Variants in JAZF1 observed in about 807,000 individuals in gnomAD.
JAZF1 encodes the protein juxtaposed with another zinc finger protein 1.
JAZF1 carries 8 observed loss-of-function variants against 26.4 expected under a neutral mutation model. The ratio of observed to expected loss-of-function variants is 0.30; its 90% CI spans 0.18 to 0.55. The LOEUF is 0.55. Ranked by LOEUF, JAZF1 falls within the 20% of genes least tolerant of loss-of-function variation. The pLI is 0.94. For synonymous variants in JAZF1, 126 were observed against 122.3 expected (o/e 1.03, Z -0.20); for missense variants, 199 against 322.0 (o/e 0.62, Z 2.92).
intron 1 of JAZF1, among the ~76,000 whole-genome samples, chr7:28,069,084 C>A (rs184951209): frequency 6.6e-6 from 1 of 152,230 alleles, no homozygotes; most frequent in Non-Finnish European, 1.5e-5. Context: ...ACAGGAGGAA[C>A]TTACACATCA....
intron 1 of JAZF1, among the ~76,000 whole-genome samples, chr7:28,178,522 T>C (rs1783581599): frequency 6.6e-6 from 1 of 152,172 alleles, no homozygotes; most frequent in Non-Finnish European, 1.5e-5. Context: ...ATATTACTTA[T>C]ATCATACATA....
chr7:28,032,485 C>T (rs1185652560), intron 1 of JAZF1, among the ~76,000 whole-genome samples: 2 of 152,160 alleles, frequency 1.3e-5, no homozygotes, highest in Non-Finnish European at 2.9e-5. Context: ...AAAGCTTTCT[C>T]TGCCCTGGCA....
At chr7:27,919,750 A>G (rs886620043) in intron 2 of JAZF1, among the ~76,000 whole-genome samples, 3 of 152,366 alleles carry the variant, frequency 2.0e-5, no homozygotes, top group Non-Finnish European at 2.9e-5. Flanking sequence ...AGATTGGACC[A>G]GCAGTCCAAT....
At chr7:27,962,914 G>A (rs1404877956) in intron 2 of JAZF1, among the ~76,000 whole-genome samples, 1 of 152,112 alleles carries the variant, frequency 6.6e-6, no homozygotes, top group Non-Finnish European at 1.5e-5. Flanking sequence ...TTTTGTCCTT[G>A]TTAAATGAAT....
At chr7:28,166,640 C>T (rs1444412321) in intron 1 of JAZF1, among the ~76,000 whole-genome samples, 1 of 152,178 alleles carries the variant, frequency 6.6e-6, no homozygotes, top group Admixed American at 6.5e-5. Flanking sequence ...TCTTGAAATG[C>T]CTTCTTTCCG....
intron 2 of JAZF1, among the ~76,000 whole-genome samples, chr7:27,938,437 C>T (rs925979730): frequency 1.3e-5 from 2 of 152,234 alleles, no homozygotes; most frequent in Non-Finnish European, 2.9e-5. Context: ...TATTGACTAG[C>T]TCTTTGTCCT....
intron 2 of JAZF1, among the ~76,000 whole-genome samples, chr7:27,933,491 A>G (rs2128350415): frequency 6.6e-6 from 1 of 152,304 alleles, no homozygotes; most frequent in East Asian, 1.9e-4. Flanking sequence ...AAATATTACT[A>G]TGTTTTGTGT....
intron 2 of JAZF1, among the ~76,000 whole-genome samples, chr7:27,921,286 GAAGCATTATA>G (rs1462713864): frequency 1.3e-5 from 2 of 151,934 alleles, no homozygotes; most frequent in African/African-American, 4.8e-5. Context: ...CTGCCTGCTG[GAAGCATTATA>G]AAGCCTCTGG....
At chr7:27,994,964 C>T (rs1421456414) in intron 1 of JAZF1, among the ~76,000 whole-genome samples, 1 of 152,108 alleles carries the variant, frequency 6.6e-6, no homozygotes, top group African/African-American at 2.4e-5. Context: ...ATTTTCAGAG[C>T]AGGACAGATC....
At chr7:28,101,502 G>T (rs1784470794) in intron 1 of JAZF1, among the ~76,000 whole-genome samples, 1 of 148,502 alleles carries the variant, frequency 6.7e-6, no homozygotes, top group Non-Finnish European at 1.5e-5. Flanking sequence ...ACTTTGAGAG[G>T]TTGAGGTAGA....
At chr7:28,166,512 C>G (rs1783369588) in intron 1 of JAZF1, among the ~76,000 whole-genome samples, 1 of 152,190 alleles carries the variant, frequency 6.6e-6, no homozygotes, top group Admixed American at 6.5e-5. Context: ...GAATGATTCA[C>G]CACAAACCTT....
intron 1 of JAZF1, among the ~76,000 whole-genome samples, chr7:28,069,314 T>C (rs1221155685): frequency 1.3e-5 from 2 of 152,192 alleles, no homozygotes; most frequent in Non-Finnish European, 2.9e-5. Context: ...ATCATAGCTG[T>C]ATTATATTTT....
intron 1 of JAZF1, among the ~76,000 whole-genome samples, chr7:28,167,207 T>C (rs899247943): frequency 6.6e-6 from 1 of 152,192 alleles, no homozygotes; most frequent in African/African-American, 2.4e-5. Context: ...ACGTAGCCTG[T>C]GGGATTCCAG....
At chr7:28,074,747 G>A (rs939851783) in intron 1 of JAZF1, among the ~76,000 whole-genome samples, 10 of 152,100 alleles carry the variant, frequency 6.6e-5, no homozygotes, top group African/African-American at 2.4e-4. Flanking sequence ...CTTGTCTGAT[G>A]TGTGAAATTG....
chr7:28,088,324 A>G (rs565422230), intron 1 of JAZF1, among the ~76,000 whole-genome samples: 5 of 152,282 alleles, frequency 3.3e-5, no homozygotes, highest in African/African-American at 1.2e-4. Flanking sequence ...CTGGATTCTG[A>G]GATATTTTGC....
chr7:27,968,344 T>C (rs987575653), intron 2 of JAZF1, among the ~76,000 whole-genome samples: 1 of 152,206 alleles, frequency 6.6e-6, no homozygotes, highest in African/African-American at 2.4e-5. Context: ...ACTGGTGAAG[T>C]ACTTGTCTTG....
At chr7:27,836,473 G>T (rs1782816109) in intron 4 of JAZF1, among the ~76,000 whole-genome samples, 1 of 152,186 alleles carries the variant, frequency 6.6e-6, no homozygotes, top group Admixed American at 6.5e-5. Flanking sequence ...GTCCTTACCT[G>T]TATGGGATCT....
In JAZF1 at chr7:27,994,442, A is replaced by AC. The variant is rs953373547; in HGVS notation, c.116-2462_116-2461insG. Among the ~76,000 whole-genome samples the AC allele has an allele frequency of 1.1e-4, 3 of 27,374 alleles. No individual in the cohort carries two copies. In the African/African-American group the frequency reaches 1.5e-3, roughly 13 times the overall value. The allele number at this position is 27,374 out of a possible 152,430, so 18.0% of individuals were successfully genotyped here. A position where few individuals can be genotyped will look rare whatever the true frequency, so the allele number is the denominator to read the frequency against. On this transcript the variant is annotated intron_variant, in intron 1 of 4. Transcript: ENST00000283928. The stretch of plus-strand genomic sequence containing the variant: ...TTCCAAACACCACCCTCTCCATCAC[A>AC]AAAAAAAAAAAACAAAAAACAAAAA...
intron 1 of JAZF1, among the ~76,000 whole-genome samples, chr7:27,997,253 G>T (rs1786035660): frequency 6.6e-6 from 1 of 152,128 alleles, no homozygotes. Flanking sequence ...AAATAGGGGG[G>T]TTGTTTAAAA....
Sources: gnomAD v4.1 joint callset for allele counts (sites outside exome capture counted in the v4.1 genomes callset) on GRCh38, gnomAD v4.1.1 for gene constraint, MANE v1.5 for transcripts, NCBI Gene and HGNC (gene_info 2026-07-23, HGNC 2026-07-21) for gene names.